ZFYVE16: variants seen among roughly 807,000 people sequenced by gnomAD.
ZFYVE16 encodes the protein zinc finger FYVE-type containing 16.
ZFYVE16 carries 89 observed loss-of-function variants against 138.1 expected under a neutral mutation model. The ratio of observed to expected loss-of-function variants is 0.64; its 90% CI spans 0.54 to 0.77. ZFYVE16 has a LOEUF of 0.77. Among genes scored for constraint, ZFYVE16 ranks in the 30% least tolerant of loss-of-function variants. The pLI is 0.00. For synonymous variants in ZFYVE16, 596 were observed against 618.3 expected, an observed-to-expected ratio of 0.96 and a Z score of 0.53; for missense variants, 1,793 against 1,786.7, an observed-to-expected ratio of 1.00 and a Z score of -0.06.
chr5:80,420,840 T>G (rs1394010116), intron 1 of ZFYVE16, among the ~76,000 whole-genome samples: 1 of 152,236 alleles, frequency 6.6e-6, no homozygotes, highest in Non-Finnish European at 1.5e-5. Context: ...CAAATGGTAT[T>G]TCTAGTTCTA....
At chr5:80,451,775 G>A (rs1752009554) in intron 11 of ZFYVE16, 66 bp downstream of exon 11, 1 of 1,422,700 alleles carries the variant, frequency 7.0e-7, no homozygotes, top group African/African-American at 1.4e-5. Flanking sequence ...GACTTTCAGG[G>A]AATCATTAAA....
intron 6 of ZFYVE16, chr5:80,443,867 C>A: frequency 2.2e-6 from 1 of 456,216 alleles, no homozygotes; most frequent in South Asian, 1.5e-5. Context: ...AGACTTCCAG[C>A]CTGGCATCCA....
At chr5:80,457,931 C>T (rs967951771) in intron 14 of ZFYVE16, among the ~76,000 whole-genome samples, 16 of 148,578 alleles carry the variant, frequency 1.1e-4, no homozygotes, top group African/African-American at 2.5e-4. Context: ...GAGGCTGAGG[C>T]GGGAGAATGG....
intron 2 of ZFYVE16, among the ~76,000 whole-genome samples, chr5:80,433,547 C>G (rs1193446585): frequency 2.0e-5 from 3 of 151,934 alleles, no homozygotes; most frequent in Non-Finnish European, 4.4e-5. Context: ...GTTAACAAAC[C>G]TGCACGTTAT....
chr5:80,445,245 T>A lies in ZFYVE16; in HGVS notation c.2582-18T>A, dbSNP rs373666928. 6 of 1,603,654 alleles carry A rather than the reference T, an allele frequency of 3.7e-6. No individual in the cohort carries two copies. Among genetic ancestry groups the A allele is most frequent in the Non-Finnish European group, 5.1e-6 (6 of 1,176,404 alleles). On this transcript the variant is annotated intron_variant, in intron 6 of 18. Coordinates refer to ENST00000505560, the MANE Select transcript of ZFYVE16 (RefSeq NM_001284236.3). Reference sequence around the variant, plus strand: ...ATATTACCAGATTCAAATGTTTTACTTTTTCAATTGATTCTAGGACTATGT... The same window carrying A: ...ATATTACCAGATTCAAATGTTTTACATTTTCAATTGATTCTAGGACTATGT...
chr5:80,470,055 G>A (rs915473147), intron 15 of ZFYVE16, among the ~76,000 whole-genome samples: 27 of 143,936 alleles, frequency 1.9e-4, no homozygotes, highest in South Asian at 4.4e-4. Context: ...GTGTGTGTGT[G>A]TATATATACG....
At chr5:80,466,153 T>C (rs1032291444) in intron 15 of ZFYVE16, among the ~76,000 whole-genome samples, 6 of 152,116 alleles carry the variant, frequency 3.9e-5, no homozygotes, top group African/African-American at 1.4e-4. Flanking sequence ...CTCGAACTCC[T>C]GAACTCATGG....
intron 15 of ZFYVE16, among the ~76,000 whole-genome samples, chr5:80,465,400 G>GTTTTTTTTTTTCTTTTTTTTTTTTTTT (rs1753602401): frequency 3.7e-5 from 1 of 26,780 alleles, no homozygotes; most frequent in African/African-American, 1.0e-4. Flanking sequence ...CCTTTTCTTT[G>GTTTTTTTTTTTCTTTTTTTTTTTTTTT]TTTTTTTTTT....
chr5:80,412,640 T>G (rs1007986602), intron 1 of ZFYVE16, among the ~76,000 whole-genome samples: 1 of 152,218 alleles, frequency 6.6e-6, no homozygotes, highest in Admixed American at 6.5e-5. Context: ...TAGATAGGAA[T>G]GTTTTGTAAA....
chr5:80,472,569 A>G (rs560016114), intron 15 of ZFYVE16, among the ~76,000 whole-genome samples, 192 bp from the exon 16 acceptor site: 3 of 53,400 alleles, frequency 5.6e-5, no homozygotes, highest in African/African-American at 9.3e-5. Context: ...CTTTGTTTTA[A>G]CCTTAAAAAA....
chr5:80,440,845 T>C (rs990552283), intron 5 of ZFYVE16: 4 of 985,396 alleles, frequency 4.1e-6, no homozygotes, highest in Non-Finnish European at 4.8e-6. Context: ...CACTGCTTCC[T>C]GTTAGCCAGG....
Position 80,457,957 on chromosome 5 carries a change from C to T in ZFYVE16, c.3943+865C>T, listed in dbSNP as rs900300840. Among the ~76,000 whole-genome samples, 41 of 145,652 alleles carry T rather than the reference C, an allele frequency of 2.8e-4. No individual in the cohort carries two copies. In the East Asian group the frequency reaches 8.6e-3, roughly 31 times the overall value. On this transcript the variant is annotated intron_variant, in intron 14 of 18. Transcript: ENST00000505560. Reference sequence around the variant, plus strand: ...GGGAGAATGGCGTGAACCCGGGAGGCGGAGCTTGCAGTGAGCCCAGATCGT... The same window carrying T: ...GGGAGAATGGCGTGAACCCGGGAGGTGGAGCTTGCAGTGAGCCCAGATCGT...
chr5:80,456,577 T>C lies in ZFYVE16; in HGVS notation c.3795+12T>C, dbSNP rs1269941010. 4 of 1,590,942 alleles carry C rather than the reference T, an allele frequency of 2.5e-6. No homozygotes were observed. The South Asian group carries it at 4.5e-5, about 18-fold the overall frequency. On this transcript the variant is annotated intron_variant, in intron 13 of 18. Transcript: ENST00000505560. Reference sequence around the variant, plus strand: ...AAAAGTACAGTGATGTAAGTATAATTGTTTTATTCAAATGACAATTATTGA... The same window carrying C: ...AAAAGTACAGTGATGTAAGTATAATCGTTTTATTCAAATGACAATTATTGA...
At chr5:80,416,247 ATTTTTTTTT>A (rs70988469) in intron 1 of ZFYVE16, among the ~76,000 whole-genome samples, 202 of 73,352 alleles carry the variant, frequency 2.8e-3, no homozygotes, top group African/African-American at 9.1e-3. Context: ...GAATACATAG[ATTTTTTTTT>A]TTTTTTTTTT....
intron 5 of ZFYVE16, chr5:80,440,392 A>G (rs1750532561): frequency 1.0e-6 from 1 of 992,618 alleles, no homozygotes. Context: ...AGTAGTACTC[A>G]ATATTATGTA....
intron 1 of ZFYVE16, among the ~76,000 whole-genome samples, chr5:80,410,661 C>T (rs1188166331): frequency 6.6e-6 from 1 of 151,654 alleles, no homozygotes; most frequent in Non-Finnish European, 1.5e-5. Flanking sequence ...ACCTCTGCCT[C>T]CCGGGTTCAA....
chr5:80,477,215 C>G lies in ZFYVE16; in HGVS notation c.4462-4C>G. 1.9e-6 allele frequency: 3 copies of G among 1,571,110 alleles called. No homozygotes were observed. Among genetic ancestry groups the G allele is most frequent in the Non-Finnish European group, 2.6e-6 (3 of 1,168,894 alleles). The stretch of plus-strand genomic sequence containing the variant: ...TTCTTATCAAGAATTTTTTTTTTTT[C>G]TAGGTTGAATTTCAGGCAGGATCTG... On this transcript the variant is annotated splice_region_variant and splice_polypyrimidine_tract_variant and intron_variant, in intron 18 of 18. Transcript: ENST00000505560.
intron 15 of ZFYVE16, among the ~76,000 whole-genome samples, chr5:80,464,631 A>C (rs1753488291): frequency 6.6e-6 from 1 of 152,136 alleles, no homozygotes; most frequent in East Asian, 1.9e-4. Flanking sequence ...TATTTCTGTG[A>C]GGTTGGTAGT....
At chr5:80,447,809 A>G (rs1360602080) in intron 7 of ZFYVE16, among the ~76,000 whole-genome samples, 2 of 152,230 alleles carry the variant, frequency 1.3e-5, no homozygotes, top group African/African-American at 4.8e-5. Flanking sequence ...ATGCAGTAAA[A>G]CTAAAACCTT....
Sources: allele counts gnomAD v4.1 joint callset (sites outside exome capture counted in the v4.1 genomes callset), GRCh38; gene constraint gnomAD v4.1.1; transcripts MANE v1.5; gene names NCBI Gene and HGNC (gene_info 2026-07-23, HGNC 2026-07-21).